Variants in NCKAP5 observed in about 807,000 individuals in gnomAD.
The protein encoded by NCKAP5 is NCK associated protein 5.
NCKAP5 carries 92 observed loss-of-function variants against 167.0 expected under a neutral mutation model. The observed-to-expected ratio is 0.55, with a 90% CI of 0.47 to 0.66. NCKAP5 has a LOEUF of 0.66. Ranked by LOEUF, NCKAP5 falls within the 30% of genes least tolerant of loss-of-function variation. NCKAP5 has a pLI of 0.00. For synonymous variants in NCKAP5, 891 were observed against 877.4 expected, an observed-to-expected ratio of 1.02 and a Z score of -0.27; for missense variants, 2,378 against 2,315.0, an observed-to-expected ratio of 1.03 and a Z score of -0.56.
intron 6 of NCKAP5, among the ~76,000 whole-genome samples, chr2:133,049,207 G>T (rs1055475010): frequency 7.9e-5 from 12 of 152,080 alleles, no homozygotes; most frequent in African/African-American, 2.9e-4. Context: ...TTCCATTTGG[G>T]TGTTTGTATG....
intron 3 of NCKAP5, among the ~76,000 whole-genome samples, chr2:133,468,191 A>G (rs1402028519): frequency 7.3e-6 from 1 of 136,622 alleles, no homozygotes; most frequent in African/African-American, 2.8e-5. Flanking sequence ...AATGCATCCC[A>G]GAGATTCTGG....
chr2:133,360,448 C>T (rs983921036), intron 3 of NCKAP5, among the ~76,000 whole-genome samples: 1 of 152,078 alleles, frequency 6.6e-6, no homozygotes, highest in Non-Finnish European at 1.5e-5. Flanking sequence ...GTGTAGAAAT[C>T]TAACAGGAAC....
intron 16 of NCKAP5, among the ~76,000 whole-genome samples, chr2:132,764,606 C>T (rs574715913): frequency 1.3e-5 from 2 of 152,296 alleles, no homozygotes; most frequent in South Asian, 4.1e-4. Context: ...TCACACCATC[C>T]TATTCCCCAT....
In NCKAP5 at chr2:133,511,102, C is replaced by T. The variant is rs150836049; in HGVS notation, c.69+6356G>A. Among the ~76,000 whole-genome samples, 106 of 152,292 alleles carry T rather than the reference C, an allele frequency of 7.0e-4. No homozygotes were observed. The East Asian group carries it at 0.011, about 15-fold the overall frequency. The stretch of plus-strand genomic sequence containing the variant: ...TGTCTGCTAAAGTGGCTTTGATGTT[C>T]GATTCTGCCATCCTCATTGCTGACA... On this transcript the variant is annotated intron_variant, in intron 3 of 19. Coordinates refer to ENST00000409261, the MANE Select transcript of NCKAP5 (RefSeq NM_207363.3).
chr2:133,227,595 T>C (rs1007150797), intron 4 of NCKAP5, among the ~76,000 whole-genome samples: 2 of 152,216 alleles, frequency 1.3e-5, no homozygotes, highest in African/African-American at 4.8e-5. Flanking sequence ...AGGAGCACTA[T>C]AAATTTACTG....
intron 5 of NCKAP5, among the ~76,000 whole-genome samples, chr2:133,175,366 A>G (rs1238495081): frequency 2.6e-5 from 4 of 152,150 alleles, no homozygotes; most frequent in Non-Finnish European, 5.9e-5. Context: ...GTTTTTATAT[A>G]AAATCCATCA....
the NCKAP5 span, among the ~76,000 whole-genome samples, chr2:133,665,307 G>T: frequency 6.6e-6 from 1 of 152,176 alleles, no homozygotes; most frequent in Non-Finnish European, 1.5e-5. Flanking sequence ...TGTTAAGTAA[G>T]AGATGCATAA....
intron 4 of NCKAP5, among the ~76,000 whole-genome samples, chr2:133,215,390 A>C (rs2150179793): frequency 6.6e-6 from 1 of 152,322 alleles, no homozygotes; most frequent in East Asian, 1.9e-4. Context: ...TGTAGTATAG[A>C]GGTAACACTG....
At chr2:133,651,178 T>A in the NCKAP5 span, among the ~76,000 whole-genome samples, 1 of 152,174 alleles carries the variant, frequency 6.6e-6, no homozygotes, top group Non-Finnish European at 1.5e-5. Flanking sequence ...GTTGGACTTC[T>A]GCATAACAAA....
At chr2:132,745,395 CA>C (rs71398574) in intron 16 of NCKAP5, among the ~76,000 whole-genome samples, 18,045 of 144,702 alleles carry the variant, frequency 0.12, 1,657 homozygotes, top group East Asian at 0.45. Flanking sequence ...TCATGACAGA[CA>C]AAAAAAAAAC....
At chr2:132,996,909 C>A (rs1462730385) in intron 6 of NCKAP5, among the ~76,000 whole-genome samples, 1 of 152,204 alleles carries the variant, frequency 6.6e-6, no homozygotes, top group Non-Finnish European at 1.5e-5. Flanking sequence ...GAACTCAATG[C>A]CCTGAACACG....
chr2:133,582,414 C>G, the NCKAP5 span, among the ~76,000 whole-genome samples: 1 of 152,194 alleles, frequency 6.6e-6, no homozygotes, highest in Non-Finnish European at 1.5e-5. Flanking sequence ...ATTTTTCATG[C>G]ATGCTCTGAA....
rs141057994 is a variant in NCKAP5, at chr2:133,534,860, G to T, written c.-61-17273C>A. Among the ~76,000 whole-genome samples the T allele has an allele frequency of 1.2e-3, 189 of 152,176 alleles. 1 individual carries two copies. The highest frequency in any genetic ancestry group is 4.2e-3 in the African/African-American group (173 of 41,506). On this transcript the variant is annotated intron_variant, in intron 2 of 19. Transcript: ENST00000409261. ...GTATATACTTAGGAGAGAAATTGCCGGATCAAATGGAAACTCTGTTTATCA... is the reference window on the plus strand; with the variant it reads ...GTATATACTTAGGAGAGAAATTGCCTGATCAAATGGAAACTCTGTTTATCA...
intron 5 of NCKAP5, among the ~76,000 whole-genome samples, chr2:133,180,937 G>T (rs983254128): frequency 6.6e-6 from 1 of 151,708 alleles, no homozygotes; most frequent in Non-Finnish European, 1.5e-5. Flanking sequence ...TCTAATAAGG[G>T]ATTAAAATCC....
intron 8 of NCKAP5, among the ~76,000 whole-genome samples, chr2:132,959,334 T>A (rs1044966114): frequency 1.3e-5 from 2 of 152,114 alleles, no homozygotes; most frequent in Non-Finnish European, 2.9e-5. Flanking sequence ...AATAAATCAT[T>A]CCTAGAAGCG....
intron 3 of NCKAP5, among the ~76,000 whole-genome samples, chr2:133,380,111 C>T (rs2150945186): frequency 6.6e-6 from 1 of 152,150 alleles, no homozygotes; most frequent in East Asian, 1.9e-4. Flanking sequence ...TTTATTTATT[C>T]CTTCTATGAT....
chr2:132,912,430 T>A (rs116214477), intron 8 of NCKAP5, among the ~76,000 whole-genome samples: 99 of 152,326 alleles, frequency 6.5e-4, no homozygotes, highest in African/African-American at 2.1e-3. Flanking sequence ...CCTTCAACCC[T>A]CTGTGGACTA....
chr2:133,081,270 A>T lies in NCKAP5; in HGVS notation c.341+48708T>A, dbSNP rs531152721. ...TTTCATCTCCTCACTTCTGATTCTAATTAGAGTTCTATTTCTTCAAAAACT... is the reference window on the plus strand; with the variant it reads ...TTTCATCTCCTCACTTCTGATTCTATTTAGAGTTCTATTTCTTCAAAAACT... On this transcript the variant is annotated intron_variant, in intron 6 of 19. Transcript: ENST00000409261. Among the ~76,000 whole-genome samples the T allele has an allele frequency of 7.2e-5, 11 of 152,280 alleles. No individual in the cohort carries two copies. The East Asian group carries it at 1.7e-3, about 24-fold the overall frequency.
chr2:133,222,527 T>G (rs1344677480), intron 4 of NCKAP5, among the ~76,000 whole-genome samples: 1 of 152,222 alleles, frequency 6.6e-6, no homozygotes, highest in Non-Finnish European at 1.5e-5. Context: ...AAATATCATC[T>G]TAGTATTCTT....
Sources: gnomAD v4.1 joint callset for allele counts (sites outside exome capture counted in the v4.1 genomes callset) on GRCh38, gnomAD v4.1.1 for gene constraint, MANE v1.5 for transcripts, NCBI Gene and HGNC (gene_info 2026-07-23, HGNC 2026-07-21) for gene names.